The following PCDH11X variants were observed in gnomAD, a reference collection of about 807,000 sequenced individuals.
PCDH11X encodes protocadherin-11 X-linked.
PCDH11X carries 18 observed loss-of-function variants against 53.3 expected under a neutral mutation model. The observed-to-expected ratio is 0.34, with a 90% confidence interval of 0.23 to 0.50. PCDH11X has a LOEUF of 0.50. Among genes scored for constraint, PCDH11X ranks in the 20% least tolerant of loss-of-function variants. PCDH11X has a pLI of 0.98. For missense variants in PCDH11X, 570 were observed against 1,032.4 expected, an observed-to-expected ratio of 0.55 and a Z score of 6.14; for synonymous variants, 279 against 393.3, an observed-to-expected ratio of 0.71 and a Z score of 3.44.
intron 10 of PCDH11X, among the ~76,000 whole-genome samples, chrX:92,553,289 C>T (rs1157129966): frequency 4.7e-5 from 5 of 106,984 alleles, no homozygotes; most frequent in African/African-American, 1.4e-4. Flanking sequence ...CAGAGTTCTT[C>T]CTAATTCAAT....
chrX:92,141,870 T>C (rs1569383681), intron 6 of PCDH11X, among the ~76,000 whole-genome samples: 1 of 111,545 alleles, frequency 9.0e-6, no homozygotes, highest in Non-Finnish European at 1.9e-5. Flanking sequence ...AATTGAGATA[T>C]TCTACTTGTT....
chrX:91,850,192 C>A (rs1453441963), intron 5 of PCDH11X, among the ~76,000 whole-genome samples: 1 of 110,703 alleles, frequency 9.0e-6, no homozygotes, highest in African/African-American at 3.3e-5. Context: ...TTAAGTCAAA[C>A]CAAATAGGTG....
At chrX:91,977,985 G>T (rs148401311) in intron 6 of PCDH11X, among the ~76,000 whole-genome samples, 4 of 111,521 alleles carry the variant, frequency 3.6e-5, no homozygotes, top group African/African-American at 6.5e-5. Flanking sequence ...CCTTTCCCCA[G>T]ATTCAGCAAT....
intron 6 of PCDH11X, among the ~76,000 whole-genome samples, chrX:91,924,560 G>C (rs967260091): frequency 9.0e-6 from 1 of 111,702 alleles, no homozygotes; most frequent in Non-Finnish European, 1.9e-5. Context: ...ACAAAATTTG[G>C]CTTTAATTGG....
At chrX:92,070,671 T>C (rs1260934793) in intron 6 of PCDH11X, among the ~76,000 whole-genome samples, 1 of 111,684 alleles carries the variant, frequency 9.0e-6, no homozygotes, top group Admixed American at 9.6e-5. Context: ...CTGCTTGGTA[T>C]TCTGTAACTT....
At position 91,839,423 on chromosome X, in the gene PCDH11X, G is replaced by A. The variant is rs368597865; in HGVS notation, c.540+3379G>A. 6.8e-5 allele frequency among the ~76,000 whole-genome samples: 7 copies of A among 103,297 alleles called. No individual in the cohort carries two copies. In the South Asian group the frequency reaches 2.3e-3, roughly 34 times the overall value. 89.7% of individuals were successfully genotyped at this position (103,297 alleles called of 115,157 possible). On this transcript the variant is annotated intron_variant, in intron 5 of 10. Coordinates refer to ENST00000682573, the MANE Select transcript of PCDH11X (RefSeq NM_032968.5). ...GAGGTTAGGAGTTCGAGACCAGCCTGGCCAACACAGTGAAACCCCGTCTCT... is the reference window on the plus strand; with the variant it reads ...GAGGTTAGGAGTTCGAGACCAGCCTAGCCAACACAGTGAAACCCCGTCTCT...
chrX:91,919,679 T>C (rs1776675210), intron 6 of PCDH11X, among the ~76,000 whole-genome samples: 1 of 111,348 alleles, frequency 9.0e-6, no homozygotes, highest in Non-Finnish European at 1.9e-5. Context: ...TCAAAATATA[T>C]TATTTCATGA....
At chrX:91,984,266 T>C (rs1255151157) in intron 6 of PCDH11X, among the ~76,000 whole-genome samples, 2 of 101,268 alleles carry the variant, frequency 2.0e-5, no homozygotes, top group Non-Finnish European at 4.0e-5. Context: ...AGCTTTTAGT[T>C]TCAACACCTA....
intron 9 of PCDH11X, among the ~76,000 whole-genome samples, chrX:92,403,118 G>A (rs1169880472): frequency 2.8e-5 from 3 of 107,601 alleles, no homozygotes; most frequent in Admixed American, 1.0e-4. Flanking sequence ...AGAATACAAC[G>A]AATAAATGAT....
At chrX:91,876,352 TA>T (rs1939614997) in intron 5 of PCDH11X, among the ~76,000 whole-genome samples, 1 of 110,311 alleles carries the variant, frequency 9.1e-6, no homozygotes, top group Non-Finnish European at 1.9e-5. Flanking sequence ...TGAACCCCAA[TA>T]ACTTATGGAA....
intron 6 of PCDH11X, among the ~76,000 whole-genome samples, chrX:92,014,291 T>C (rs2062749553): frequency 8.9e-6 from 1 of 112,022 alleles, no homozygotes; most frequent in Non-Finnish European, 1.9e-5. Flanking sequence ...AAAATGCTCA[T>C]CATCACTGGC....
At chrX:91,825,990 T>C (rs902883769) in intron 4 of PCDH11X, among the ~76,000 whole-genome samples, 1 of 109,421 alleles carries the variant, frequency 9.1e-6, no homozygotes, top group Non-Finnish European at 1.9e-5. Context: ...GCTCATCTTT[T>C]TGCACTTTCA....
chrX:91,794,848 G>A lies in PCDH11X; in HGVS notation c.-378-14618G>A, dbSNP rs375036174. ...TCCCACGTGTTGTGGGAGGGACCTGGTTGGGGATGATTGAATCATAGGGGC... is the reference window on the plus strand; with the variant it reads ...TCCCACGTGTTGTGGGAGGGACCTGATTGGGGATGATTGAATCATAGGGGC... On this transcript the variant is annotated intron_variant, in intron 1 of 10. Transcript: ENST00000682573. Among the ~76,000 whole-genome samples the A allele has an allele frequency of 1.3e-3, 142 of 110,149 alleles. 1 individual carries two copies. In the South Asian group the frequency reaches 0.055, roughly 43 times the overall value.
intron 1 of PCDH11X, among the ~76,000 whole-genome samples, chrX:91,799,700 T>G (rs1935864469): frequency 8.9e-6 from 1 of 112,465 alleles, no homozygotes; most frequent in Non-Finnish European, 1.9e-5. Context: ...TCATAAATTA[T>G]CATAAACACT....
At chrX:92,163,767 G>T (rs1280657141) in intron 6 of PCDH11X, among the ~76,000 whole-genome samples, 4 of 110,987 alleles carry the variant, frequency 3.6e-5, no homozygotes, top group South Asian at 7.7e-4. Flanking sequence ...GTATATTTCT[G>T]TAGGAGTTCC....
rs201876042 is a variant in PCDH11X at position 91,791,683 on chromosome X, G to GT, written c.-379+12012dup. ...CCAAAATACCCTATATCTTTTTAGGGTTTTTTTTTTTTTGAGAGGGAAAAT... is the reference window on the plus strand; with the variant it reads ...CCAAAATACCCTATATCTTTTTAGGGTTTTTTTTTTTTTTGAGAGGGAAAAT... On this transcript the variant is annotated intron_variant, in intron 1 of 10. Transcript: ENST00000682573. Among the ~76,000 whole-genome samples, 873 of 94,269 alleles carry GT rather than the reference G, an allele frequency of 9.3e-3. 9 individuals carry two copies. The highest frequency in any genetic ancestry group is 0.021 in the African/African-American group (509 of 24,652). 81.9% of individuals were successfully genotyped at this position (94,269 alleles called of 115,157 possible).
intron 10 of PCDH11X, among the ~76,000 whole-genome samples, chrX:92,579,207 C>T (rs182651639): frequency 7.6e-5 from 8 of 105,885 alleles, no homozygotes; most frequent in African/African-American, 2.8e-4. Flanking sequence ...CTTTGGGGAA[C>T]TGATGATTAT....
rs776171774 is a variant in PCDH11X, at chrX:92,011,910, G to C, written c.3033+132637G>C. ...TCCAAAATTTTGTTTCAGTGTTAGA[G>C]CCAGTCTCAGAATCTAGGCCTTCTT... On this transcript the variant is annotated intron_variant, in intron 6 of 10. Coordinates refer to ENST00000682573, the MANE Select transcript of PCDH11X (RefSeq NM_032968.5). 3.8e-4 allele frequency among the ~76,000 whole-genome samples: 42 copies of C among 110,355 alleles called. 1 individual carries two copies. The highest frequency in any genetic ancestry group is 1.3e-3 in the African/African-American group (39 of 30,556).
chrX:92,437,739 A>G (rs1347873023), intron 9 of PCDH11X, among the ~76,000 whole-genome samples: 3 of 111,027 alleles, frequency 2.7e-5, no homozygotes, highest in Admixed American at 1.9e-4. Context: ...TGTCTAGTAT[A>G]TATTTCTCCC....
Sources: allele counts gnomAD v4.1 joint callset (sites outside exome capture counted in the v4.1 genomes callset), GRCh38; gene constraint gnomAD v4.1.1; transcripts MANE v1.5; gene names NCBI Gene and HGNC (gene_info 2026-07-23, HGNC 2026-07-21).